Variants in GRM7 observed in about 807,000 individuals in gnomAD.
The protein encoded by GRM7 is metabotropic glutamate receptor 7.
In GRM7, 35 loss-of-function variants were observed where a neutral mutation model predicts 84.5. The ratio of observed to expected loss-of-function variants is 0.41; its 90% CI spans 0.32 to 0.55. The LOEUF is 0.55. Among genes scored for constraint, GRM7 ranks in the 20% least tolerant of loss-of-function variants. The pLI, the probability that GRM7 is intolerant of heterozygous loss-of-function variation, is 0.19. For synonymous variants in GRM7, 487 were observed against 455.1 expected (o/e 1.07, Z -0.89); for missense variants, 1,003 against 1,194.6 (o/e 0.84, Z 2.36).
chr3:7,093,486 T>G (rs1289683362), intron 1 of GRM7, among the ~76,000 whole-genome samples: 3 of 151,524 alleles, frequency 2.0e-5, no homozygotes, highest in Non-Finnish European at 1.5e-5. Context: ...GAGACCAGCC[T>G]GTCCAATATG....
At chr3:7,499,473 T>G (rs1411703289) in intron 7 of GRM7, among the ~76,000 whole-genome samples, 5 of 152,208 alleles carry the variant, frequency 3.3e-5, no homozygotes, top group African/African-American at 4.8e-5. Flanking sequence ...TAATGCTTAA[T>G]GATGATAATG....
intron 5 of GRM7, among the ~76,000 whole-genome samples, chr3:7,446,014 G>A (rs13087512): frequency 0.35 from 53,716 of 151,772 alleles, 10,888 homozygotes; most frequent in Non-Finnish European, 0.48. Flanking sequence ...CAAAGCTCTT[G>A]TAATACATTC....
chr3:7,573,105 A>T (rs1694787465), intron 7 of GRM7, among the ~76,000 whole-genome samples: 1 of 151,612 alleles, frequency 6.6e-6, no homozygotes, highest in South Asian at 2.1e-4. Context: ...AGCACTCGCT[A>T]GCTCCTCTAC....
intron 7 of GRM7, among the ~76,000 whole-genome samples, chr3:7,531,984 A>C (rs1320346740): frequency 6.6e-6 from 1 of 151,928 alleles, no homozygotes; most frequent in Non-Finnish European, 1.5e-5. Flanking sequence ...TTCCATCAGT[A>C]CCTAGTTTAT....
chr3:7,490,009 G>A (rs1699463473), intron 7 of GRM7, among the ~76,000 whole-genome samples: 1 of 151,598 alleles, frequency 6.6e-6, no homozygotes, highest in African/African-American at 2.4e-5. Flanking sequence ...AAATTAACAG[G>A]TGAAAATCTG....
intron 2 of GRM7, among the ~76,000 whole-genome samples, chr3:7,152,558 CT>C (rs1432032390): frequency 1.3e-5 from 2 of 152,182 alleles, no homozygotes; most frequent in Non-Finnish European, 2.9e-5. Context: ...CTTATTCAAC[CT>C]TCTGTGGATT....
chr3:7,718,027 AGGTTTGCAG>A (rs143162205), intron 9 of GRM7, among the ~76,000 whole-genome samples: 5,921 of 152,256 alleles, frequency 0.039, 388 homozygotes, highest in African/African-American at 0.14. Flanking sequence ...TTAAAAGAAG[AGGTTTGCAG>A]GGTTCACATG....
rs147109250 is a variant in GRM7, at chr3:7,320,307, A to G, written c.1033+13655A>G. ...CTATTTAATAAAAGTTTTATGTGAC[A>G]CACAAGCCTTTAGCGATGAAAACCA... On this transcript the variant is annotated intron_variant, in intron 4 of 9. Coordinates refer to ENST00000357716, the MANE Select transcript of GRM7 (RefSeq NM_000844.4). 5.2e-3 allele frequency among the ~76,000 whole-genome samples: 792 copies of G among 152,148 alleles called. 10 individuals are homozygous for G. The highest frequency in any genetic ancestry group is 0.018 in the African/African-American group (760 of 41,540).
intron 8 of GRM7, among the ~76,000 whole-genome samples, chr3:7,660,772 A>G (rs1371792976): frequency 2.1e-5 from 3 of 143,666 alleles, no homozygotes; most frequent in Admixed American, 7.2e-5. Flanking sequence ...AACAGAGTAT[A>G]AGAAAAACAG....
intron 8 of GRM7, among the ~76,000 whole-genome samples, chr3:7,589,192 T>G (rs1695660780): frequency 6.6e-6 from 1 of 152,218 alleles, no homozygotes; most frequent in Non-Finnish European, 1.5e-5. Flanking sequence ...AGCCCTTGGT[T>G]TTAACCCAGC....
At chr3:6,936,261 C>A (rs1697689729) in intron 1 of GRM7, among the ~76,000 whole-genome samples, 1 of 152,198 alleles carries the variant, frequency 6.6e-6, no homozygotes, top group African/African-American at 2.4e-5. Flanking sequence ...TCACAGGTCC[C>A]ATCAAGAGGT....
intron 2 of GRM7, among the ~76,000 whole-genome samples, chr3:7,169,447 C>T (rs142036013): frequency 6.6e-6 from 1 of 152,090 alleles, no homozygotes; most frequent in Non-Finnish European, 1.5e-5. Flanking sequence ...TCATGGGACT[C>T]ACATAAATTT....
intron 1 of GRM7, among the ~76,000 whole-genome samples, chr3:6,962,666 G>T (rs1423353499): frequency 6.6e-6 from 1 of 152,190 alleles, no homozygotes; most frequent in African/African-American, 2.4e-5. Context: ...TAAGTAGTTT[G>T]TTAAGGTCAC....
intron 8 of GRM7, among the ~76,000 whole-genome samples, chr3:7,589,162 A>G (rs557293215): frequency 6.6e-6 from 1 of 152,370 alleles, no homozygotes; most frequent in African/African-American, 2.4e-5. Context: ...CTGGTGTTAC[A>G]CCAAATGCCA....
chr3:7,473,532 A>AGAGAGAGAGAGAGAGAGAG (rs1553603738), intron 7 of GRM7, among the ~76,000 whole-genome samples: 14 of 83,560 alleles, frequency 1.7e-4, no homozygotes, highest in Non-Finnish European at 3.1e-4. Flanking sequence ...GAGAGAGAGA[A>AGAGAGAGAGAGAGAGAGAG]ACACCTTGAC....
At chr3:7,018,354 G>C (rs1260010010) in intron 1 of GRM7, among the ~76,000 whole-genome samples, 1 of 152,242 alleles carries the variant, frequency 6.6e-6, no homozygotes, top group African/African-American at 2.4e-5. Flanking sequence ...GAAGTGGGAA[G>C]AGATGTGTTA....
intron 8 of GRM7, among the ~76,000 whole-genome samples, chr3:7,645,866 A>G (rs1698614240): frequency 6.6e-6 from 1 of 152,218 alleles, no homozygotes; most frequent in Non-Finnish European, 1.5e-5. Context: ...CTGGGAGTAC[A>G]CTGAGACAGA....
chr3:7,509,143 G>T (rs1327684115), intron 7 of GRM7, among the ~76,000 whole-genome samples: 1 of 152,062 alleles, frequency 6.6e-6, no homozygotes, highest in East Asian at 1.9e-4. Flanking sequence ...TCATCACTTA[G>T]TAACGATCTC....
At chr3:7,153,127 C>G (rs111709961) in intron 2 of GRM7, among the ~76,000 whole-genome samples, 1 of 134,420 alleles carries the variant, frequency 7.4e-6, no homozygotes, top group Admixed American at 7.9e-5. Flanking sequence ...AAGCTTGGTA[C>G]TGTGGATTTT....
Sources: allele counts gnomAD v4.1 joint callset (sites outside exome capture counted in the v4.1 genomes callset), GRCh38; gene constraint gnomAD v4.1.1; transcripts MANE v1.5; gene names NCBI Gene and HGNC (gene_info 2026-07-23, HGNC 2026-07-21).